ADGRB3: variants seen among roughly 807,000 people sequenced by gnomAD.
ADGRB3 encodes brain-specific angiogenesis inhibitor 3.
In ADGRB3, 37 loss-of-function variants were observed where a neutral mutation model predicts 193.4. The ratio of observed to expected loss-of-function variants is 0.19; its 90% confidence interval spans 0.15 to 0.25. The LOEUF is 0.25. Among genes scored for constraint, ADGRB3 ranks in the 10% least tolerant of loss-of-function variants. The pLI is 1.00. For missense variants in ADGRB3, 1,637 were observed against 1,852.9 expected, an observed-to-expected ratio of 0.88 and a Z score of 2.14; for synonymous variants, 690 against 644.2, an observed-to-expected ratio of 1.07 and a Z score of -1.08.
intron 3 of ADGRB3, among the ~76,000 whole-genome samples, chr6:68,893,860 A>C (rs1380596240): frequency 1.3e-5 from 2 of 151,948 alleles, no homozygotes; most frequent in Non-Finnish European, 2.9e-5. Flanking sequence ...ACTTTATTCA[A>C]ATACTGTACT....
chr6:68,972,920 A>G (rs769322488), intron 8 of ADGRB3, among the ~76,000 whole-genome samples: 1 of 152,128 alleles, frequency 6.6e-6, no homozygotes, highest in Non-Finnish European at 1.5e-5. Context: ...CAAGGCCCAG[A>G]CTGTGTGAGA....
At chr6:69,232,473 A>G (rs1766164657) in intron 17 of ADGRB3, 2 of 1,532,256 alleles carry the variant, frequency 1.3e-6, no homozygotes, top group Admixed American at 2.0e-5. Flanking sequence ...CCCTACTCCT[A>G]CTGGACTTTG....
At chr6:69,322,387 T>G (rs1288106764) in intron 20 of ADGRB3, among the ~76,000 whole-genome samples, 8 of 151,948 alleles carry the variant, frequency 5.3e-5, no homozygotes, top group Admixed American at 2.6e-4. Flanking sequence ...GATTGCTGGG[T>G]CAAGTGATAT....
chr6:69,145,684 A>G (rs972719631), intron 17 of ADGRB3, among the ~76,000 whole-genome samples: 1 of 151,438 alleles, frequency 6.6e-6, no homozygotes, highest in Non-Finnish European at 1.5e-5. Flanking sequence ...AGAGCAGCTC[A>G]GAGGAGACCT....
chr6:69,131,099 A>G (rs1260738522), intron 17 of ADGRB3, among the ~76,000 whole-genome samples: 1 of 152,134 alleles, frequency 6.6e-6, no homozygotes, highest in African/African-American at 2.4e-5. Context: ...TTATTTCAGT[A>G]TTAAAATCTA....
intron 16 of ADGRB3, among the ~76,000 whole-genome samples, chr6:69,075,179 A>C (rs1772192237): frequency 6.6e-6 from 1 of 152,298 alleles, no homozygotes; most frequent in Admixed American, 6.5e-5. Flanking sequence ...CCCTAAATAC[A>C]CTTTAAAAGT....
At chr6:68,926,316 C>A (rs1373441215) in intron 3 of ADGRB3, among the ~76,000 whole-genome samples, 1 of 151,884 alleles carries the variant, frequency 6.6e-6, no homozygotes, top group African/African-American at 2.4e-5. Flanking sequence ...TAATTCAAAG[C>A]CAAGAAAAAT....
chr6:68,812,668 GTTCT>G (rs954866099), intron 3 of ADGRB3, among the ~76,000 whole-genome samples: 1 of 151,902 alleles, frequency 6.6e-6, no homozygotes, highest in African/African-American at 2.4e-5. Context: ...GCTACTGTAA[GTTCT>G]TTTTTTTTTC....
intron 29 of ADGRB3, 85 bp downstream of exon 29, chr6:69,361,597 T>C (rs1189571019): frequency 7.1e-7 from 1 of 1,415,258 alleles, no homozygotes; most frequent in Admixed American, 2.1e-5. Context: ...GGTTGATTGA[T>C]TGATGTGACA....
chr6:68,955,244 A>G (rs1768039375), intron 6 of ADGRB3, among the ~76,000 whole-genome samples: 1 of 152,184 alleles, frequency 6.6e-6, no homozygotes, highest in Non-Finnish European at 1.5e-5. Flanking sequence ...TTGTCAAGAA[A>G]GACTCTCTGG....
chr6:68,659,661 TC>T (rs1231681433), intron 3 of ADGRB3, among the ~76,000 whole-genome samples: 1 of 151,094 alleles, frequency 6.6e-6, no homozygotes, highest in Non-Finnish European at 1.5e-5. Flanking sequence ...TTTAAATTAC[TC>T]CAGAATTCTT....
At chr6:69,273,404 A>G (rs183207969) in intron 20 of ADGRB3, among the ~76,000 whole-genome samples, 2 of 152,292 alleles carry the variant, frequency 1.3e-5, no homozygotes, top group Admixed American at 1.3e-4. Flanking sequence ...AAAAAGACAA[A>G]TTCATGCAAT....
intron 13 of ADGRB3, among the ~76,000 whole-genome samples, chr6:69,046,614 G>A (rs1056844599): frequency 6.6e-6 from 1 of 152,102 alleles, no homozygotes; most frequent in African/African-American, 2.4e-5. Context: ...TTAAAGCTTA[G>A]TATGTCATAT....
chr6:68,883,708 A>G (rs1214422077), intron 3 of ADGRB3, among the ~76,000 whole-genome samples: 1 of 152,164 alleles, frequency 6.6e-6, no homozygotes, highest in Non-Finnish European at 1.5e-5. Flanking sequence ...CACCAGAAGG[A>G]AGAAACTCTG....
chr6:68,889,682 T>C (rs890352550), intron 3 of ADGRB3, among the ~76,000 whole-genome samples: 1 of 151,946 alleles, frequency 6.6e-6, no homozygotes, highest in African/African-American at 2.4e-5. Context: ...TTTTGTATTT[T>C]TAGTAGAGAT....
chr6:69,162,310 T>G (rs1432244745), intron 17 of ADGRB3, among the ~76,000 whole-genome samples: 1 of 152,094 alleles, frequency 6.6e-6, no homozygotes, highest in East Asian at 1.9e-4. Context: ...CCTTCAATGT[T>G]GTATATAAAC....
chr6:68,872,532 A>G (rs930722109), intron 3 of ADGRB3, among the ~76,000 whole-genome samples: 7 of 152,140 alleles, frequency 4.6e-5, no homozygotes, highest in African/African-American at 1.7e-4. Context: ...TCTTTCTTCA[A>G]TTCCCTTAAG....
At chr6:69,158,334 C>T (rs747876339) in intron 17 of ADGRB3, among the ~76,000 whole-genome samples, 7 of 151,744 alleles carry the variant, frequency 4.6e-5, no homozygotes, top group Non-Finnish European at 7.4e-5. Flanking sequence ...TCCCCCATCT[C>T]TCATAGCTAT....
intron 3 of ADGRB3, among the ~76,000 whole-genome samples, chr6:68,644,613 C>T (rs1219464837): frequency 1.3e-5 from 2 of 152,104 alleles, no homozygotes; most frequent in African/African-American, 4.8e-5. Context: ...CTGTTATTCA[C>T]TCTTGATTAT....
Sources: allele counts gnomAD v4.1 joint callset (sites outside exome capture counted in the v4.1 genomes callset), GRCh38; gene constraint gnomAD v4.1.1; transcripts MANE v1.5; gene names NCBI Gene and HGNC (gene_info 2026-07-23, HGNC 2026-07-21).